The following ARL6IP5 variants were observed in gnomAD, a reference collection of about 807,000 sequenced individuals.
ARL6IP5 encodes the protein PRA1 family protein 3.
A neutral mutation model predicts 13.0 loss-of-function variants in ARL6IP5; 6 were observed. That is an observed-to-expected ratio of 0.46 (90% CI 0.25 to 0.91). The LOEUF is 0.91. Ranked by LOEUF, ARL6IP5 falls within the 40% of genes least tolerant of loss-of-function variation. ARL6IP5 has a pLI of 0.17. For synonymous variants in ARL6IP5, 91 were observed against 91.9 expected, an observed-to-expected ratio of 0.99 and a Z score of 0.06; for missense variants, 208 against 248.8, an observed-to-expected ratio of 0.84 and a Z score of 1.10.
chr3:69,101,897 G>C lies in ARL6IP5; in HGVS notation c.235G>C (p.Gly79Arg). ...GGIVVVLVFT[G>R]FVWAAHNKDV... Reference sequence around the variant, plus strand: ...AATCGTGGTGGTGCTGGTGTTCACAGGGTTTGTGTGGGCAGCCCACAATAA... The same window carrying C: ...AATCGTGGTGGTGCTGGTGTTCACACGGTTTGTGTGGGCAGCCCACAATAA... Residue 79 changes from glycine (G) to arginine (R), a missense_variant, in exon 2 of 3, where the codon GGG becomes CGG. By Grantham distance (125) the Gly-to-Arg change is moderately radical. Transcript: ENST00000273258. 1 of 1,614,074 alleles carries C rather than the reference G, an allele frequency of 6.2e-7. No homozygotes were observed. Among genetic ancestry groups the C allele is most frequent in the Non-Finnish European group, 8.5e-7 (1 of 1,180,028 alleles).
intron 2 of ARL6IP5, 94 bp downstream of exon 2, chr3:69,102,150 C>T: frequency 1.5e-6 from 2 of 1,354,610 alleles, no homozygotes; most frequent in Non-Finnish European, 1.0e-6. Flanking sequence ...TATGTGTTGG[C>T]ATGTCAGCAA....
chr3:69,091,192 G>A (rs6549183), intron 1 of ARL6IP5, among the ~76,000 whole-genome samples: 1 of 152,102 alleles, frequency 6.6e-6, no homozygotes, highest in East Asian at 1.9e-4. Context: ...AGAGTGAGAC[G>A]CCGTGTAAAA....
chr3:69,085,110 T>C lies in ARL6IP5; in HGVS notation c.63T>C (p.Phe21=). The C allele has an allele frequency of 6.2e-7, 1 of 1,614,224 alleles. No homozygotes were observed. The highest frequency in any genetic ancestry group is 8.5e-7 in the Non-Finnish European group (1 of 1,180,038). The change falls in exon 1 of 3, where the codon TTT becomes TTC. Residue 21 remains phenylalanine, a synonymous_variant. Transcript: ENST00000273258. ...WDDFFPGSDR[F]ARPDFRDISK... ...ATTTCTTCCCGGGTTCCGATCGCTTTGCCCGGCCGGACTTCAGGGACATTT... is the reference window on the plus strand; with the variant it reads ...ATTTCTTCCCGGGTTCCGATCGCTTCGCCCGGCCGGACTTCAGGGACATTT...
At chr3:69,094,353 A>G (rs775835799) in intron 1 of ARL6IP5, among the ~76,000 whole-genome samples, 14 of 152,118 alleles carry the variant, frequency 9.2e-5, no homozygotes, top group Non-Finnish European at 1.5e-4. Flanking sequence ...ACACCTATAT[A>G]CAGTGGCCCT....
chr3:69,098,727 G>C (rs1030256152), intron 1 of ARL6IP5, among the ~76,000 whole-genome samples: 2 of 152,080 alleles, frequency 1.3e-5, no homozygotes, highest in Non-Finnish European at 2.9e-5. Context: ...TAACTTATAT[G>C]ATAAATCTAC....
chr3:69,088,389 G>C (rs573937123), intron 1 of ARL6IP5, among the ~76,000 whole-genome samples: 1 of 152,154 alleles, frequency 6.6e-6, no homozygotes, highest in Non-Finnish European at 1.5e-5. Flanking sequence ...GTTCAACAAT[G>C]GTTCCATCCC....
At chr3:69,102,144 T>G in intron 2 of ARL6IP5, 88 bp downstream of exon 2, 1 of 1,395,758 alleles carries the variant, frequency 7.2e-7, no homozygotes, top group Non-Finnish European at 1.0e-6. Flanking sequence ...TTCTTATATG[T>G]GTTGGCATGT....
At chr3:69,097,382 T>C (rs1304475524) in intron 1 of ARL6IP5, among the ~76,000 whole-genome samples, 4 of 150,560 alleles carry the variant, frequency 2.7e-5, no homozygotes, top group Non-Finnish European at 4.4e-5. Flanking sequence ...CCATGTTGCC[T>C]AGGATGGCCT....
chr3:69,104,312 G>C (rs189248797), intron 2 of ARL6IP5, 152 bp from the exon 3 acceptor site: 473 of 738,200 alleles, frequency 6.4e-4, no homozygotes, highest in Non-Finnish European at 9.7e-4. Flanking sequence ...AAAGTCCAAG[G>C]AGCCATTTGA....
At chr3:69,089,813 T>G (rs753260133) in intron 1 of ARL6IP5, 2 of 456,676 alleles carry the variant, frequency 4.4e-6, no homozygotes, top group South Asian at 3.1e-5. Context: ...CCCCTTTAGA[T>G]AGAACCATGT....
Position 69,104,498 on chromosome 3 carries a change from C to T in ARL6IP5, c.429C>T (p.Asn143=). The change falls in exon 3 of 3, where the codon AAC becomes AAT. Residue 143 remains asparagine, a synonymous_variant. Transcript: ENST00000273258. ...TCCATGCATCGTTGAGACTTCGGAA[C>T]CTCAAGAACAAACTGGAGAATAAAA... ...MFIHASLRLR[N]LKNKLENKME... The T allele has an allele frequency of 6.2e-7, 1 of 1,613,932 alleles. No homozygotes were observed. Among genetic ancestry groups the T allele is most frequent in the Non-Finnish European group, 8.5e-7 (1 of 1,179,902 alleles).
Position 69,105,906 on chromosome 3 carries a change from T to G in ARL6IP5, c.*1270T>G, listed in dbSNP as rs948971109. On this transcript the variant is annotated 3_prime_UTR_variant, in exon 3 of 3. Transcript: ENST00000273258. ...AAGAAACTCTCTGTATGTCCTAGAATAAGAAGCAATGATGTGCTGCTTCTG... is the reference window on the plus strand; with the variant it reads ...AAGAAACTCTCTGTATGTCCTAGAAGAAGAAGCAATGATGTGCTGCTTCTG... 5 of 152,198 alleles carry G rather than the reference T, an allele frequency of 3.3e-5. No individual in the cohort carries two copies. Among genetic ancestry groups the G allele is most frequent in the African/African-American group, 9.6e-5 (4 of 41,454 alleles). The allele number at this position is 152,198 out of a possible 1,614,324, so 9.4% of individuals were successfully genotyped here.
intron 1 of ARL6IP5, among the ~76,000 whole-genome samples, chr3:69,091,043 A>G (rs1220799405): frequency 1.3e-5 from 2 of 152,008 alleles, no homozygotes. Flanking sequence ...CCAAAAATAG[A>G]AAAAATTAGC....
chr3:69,100,664 C>G (rs2092302213), intron 1 of ARL6IP5, among the ~76,000 whole-genome samples: 1 of 151,812 alleles, frequency 6.6e-6, no homozygotes, highest in South Asian at 2.1e-4. Context: ...ACCTGTAATC[C>G]CAGTTACTCG....
Position 69,100,736 on chromosome 3 carries a change from G to C in ARL6IP5, c.177-1103G>C, listed in dbSNP as rs1220543433. On this transcript the variant is annotated intron_variant, in intron 1 of 2. Transcript: ENST00000273258. ...GCAGAGGTTGCAGTGAGCCAAGATT[G>C]CGCCACTGCACTCCAGCCTGGGTGA... 2.0e-5 allele frequency among the ~76,000 whole-genome samples: 3 copies of C among 151,212 alleles called. No individual in the cohort carries two copies. In the East Asian group the frequency reaches 5.8e-4, roughly 29 times the overall value.
chr3:69,085,935 C>T (rs1374903856), intron 1 of ARL6IP5, among the ~76,000 whole-genome samples: 3 of 152,122 alleles, frequency 2.0e-5, no homozygotes. Context: ...ACAAAGTATC[C>T]TGTGTTGAGA....
intron 1 of ARL6IP5, among the ~76,000 whole-genome samples, chr3:69,090,311 T>C (rs1352209469): frequency 6.6e-6 from 1 of 152,242 alleles, no homozygotes; most frequent in Non-Finnish European, 1.5e-5. Context: ...ATTACTCTTA[T>C]TTGTGTTGCT....
intron 1 of ARL6IP5, among the ~76,000 whole-genome samples, chr3:69,085,840 G>A (rs1004545258): frequency 5.9e-5 from 9 of 152,166 alleles, no homozygotes; most frequent in African/African-American, 1.7e-4. Flanking sequence ...TTCCAGCAGT[G>A]GCCAGGCGTG....
At position 69,088,065 on chromosome 3, in the gene ARL6IP5, T is replaced by A. The variant is rs972942635; in HGVS notation, c.176+2842T>A. The stretch of plus-strand genomic sequence containing the variant: ...TTTTAAAAAACTGTTACTTTTTTTT[T>A]ATCATTAAACCTGAGGCTCAGAGAG... On this transcript the variant is annotated intron_variant, in intron 1 of 2. Coordinates refer to ENST00000273258, the MANE Select transcript of ARL6IP5 (RefSeq NM_006407.4). 7.2e-5 allele frequency among the ~76,000 whole-genome samples: 11 copies of A among 152,322 alleles called. No individual in the cohort carries two copies. The East Asian group carries it at 1.2e-3, about 16-fold the overall frequency.
Sources: allele counts gnomAD v4.1 joint callset (sites outside exome capture counted in the v4.1 genomes callset), GRCh38; gene constraint gnomAD v4.1.1; transcripts MANE v1.5; gene names NCBI Gene and HGNC (gene_info 2026-07-23, HGNC 2026-07-21).